The following GRIA1 variants were observed in gnomAD, a reference collection of about 807,000 sequenced individuals.
GRIA1 encodes glutamate receptor 1.
Under a neutral mutation model 99.2 loss-of-function variants are expected in GRIA1, and 31 were observed. The ratio of observed to expected loss-of-function variants is 0.31; its 90% CI spans 0.23 to 0.42. The LOEUF (loss-of-function observed/expected upper bound fraction) is 0.42, where lower values mean the gene tolerates loss of function less well. Among genes scored for constraint, GRIA1 ranks in the 10% least tolerant of loss-of-function variants. The probability of loss-of-function intolerance (pLI) is 1.00; values close to 1 mark genes in which losing one functional copy is unlikely to be tolerated. For synonymous variants in GRIA1, 438 were observed against 432.4 expected, an observed-to-expected ratio of 1.01 and a Z score of -0.16; for missense variants, 782 against 1,157.5, an observed-to-expected ratio of 0.68 and a Z score of 4.71.
chr5:153,724,337 C>T (rs903980914), intron 11 of GRIA1, among the ~76,000 whole-genome samples: 4 of 151,966 alleles, frequency 2.6e-5, no homozygotes, highest in African/African-American at 4.8e-5. Context: ...AAAAGCAGAG[C>T]ACCTCTCCTC....
At chr5:153,608,455 C>T (rs1371931556) in intron 2 of GRIA1, among the ~76,000 whole-genome samples, 1 of 152,154 alleles carries the variant, frequency 6.6e-6, no homozygotes, top group African/African-American at 2.4e-5. Flanking sequence ...TTATATGTTT[C>T]AATCCTGTTA....
intron 13 of GRIA1, among the ~76,000 whole-genome samples, chr5:153,778,194 T>A (rs200218684): frequency 0.3 from 11,890 of 39,208 alleles, 605 homozygotes; most frequent in Non-Finnish European, 0.34. Context: ...AGAGAGAGAG[T>A]GTGTGTGTGT....
At chr5:153,539,367 G>A (rs572461183) in intron 2 of GRIA1, among the ~76,000 whole-genome samples, 2 of 152,280 alleles carry the variant, frequency 1.3e-5, no homozygotes, top group African/African-American at 4.8e-5. Flanking sequence ...GAAATGGCAA[G>A]GTATGGAGAT....
At chr5:153,625,644 A>T (rs1162802607) in intron 2 of GRIA1, among the ~76,000 whole-genome samples, 1 of 152,228 alleles carries the variant, frequency 6.6e-6, no homozygotes, top group Non-Finnish European at 1.5e-5. Context: ...ATAGGGTCCA[A>T]AGGAAGCAGA....
At chr5:153,741,329 T>C (rs541364310) in intron 11 of GRIA1, among the ~76,000 whole-genome samples, 1 of 152,340 alleles carries the variant, frequency 6.6e-6, no homozygotes, top group East Asian at 1.9e-4. Context: ...TCAGCCACTA[T>C]GGAAAACAAT....
intron 13 of GRIA1, among the ~76,000 whole-genome samples, chr5:153,788,647 T>C (rs926676351): frequency 6.6e-6 from 1 of 152,234 alleles, no homozygotes; most frequent in Admixed American, 6.5e-5. Context: ...GTTTCCTTTA[T>C]AACACTTCAC....
At position 153,787,952 on chromosome 5, in the gene GRIA1, C is replaced by T. The variant is rs374408070; in HGVS notation, c.2271-6669C>T. Among the ~76,000 whole-genome samples, 388 of 152,128 alleles carry T rather than the reference C, an allele frequency of 2.6e-3. 9 individuals are homozygous for T. The East Asian group carries it at 0.06, about 23-fold the overall frequency. ...AAAATTAGCCAGGCGTGGTGGCAGG[C>T]GCCTGTAGTCCCAGCTACTCGGGAG... On this transcript the variant is annotated intron_variant, in intron 13 of 15. Transcript: ENST00000285900.
intron 2 of GRIA1, among the ~76,000 whole-genome samples, chr5:153,643,752 G>A (rs1433588931): frequency 2.6e-5 from 4 of 152,214 alleles, no homozygotes; most frequent in East Asian, 1.9e-4. Flanking sequence ...TAGCCTTAGA[G>A]GAGAAAGCAC....
chr5:153,669,923 C>T (rs1167987328), intron 5 of GRIA1, among the ~76,000 whole-genome samples: 2 of 152,134 alleles, frequency 1.3e-5, no homozygotes, highest in Non-Finnish European at 2.9e-5. Context: ...ATTTGGAATT[C>T]TTCTGATGAT....
At chr5:153,655,291 A>G (rs1181881917) in intron 4 of GRIA1, among the ~76,000 whole-genome samples, 1 of 152,220 alleles carries the variant, frequency 6.6e-6, no homozygotes, top group African/African-American at 2.4e-5. Context: ...AAAGAAGAGC[A>G]TCTATATATG....
intron 2 of GRIA1, among the ~76,000 whole-genome samples, chr5:153,639,544 A>G (rs936259647): frequency 2.0e-5 from 3 of 152,190 alleles, no homozygotes; most frequent in African/African-American, 7.2e-5. Flanking sequence ...TGCTAGTGAC[A>G]CAGAGAGGTC....
chr5:153,584,642 G>A (rs1196489297), intron 2 of GRIA1, among the ~76,000 whole-genome samples: 2 of 152,174 alleles, frequency 1.3e-5, no homozygotes, highest in Non-Finnish European at 2.9e-5. Context: ...CTTAGGGAGT[G>A]CATATTTTTC....
intron 11 of GRIA1, among the ~76,000 whole-genome samples, chr5:153,716,972 T>C (rs1759707266): frequency 6.6e-6 from 1 of 152,282 alleles, no homozygotes; most frequent in South Asian, 2.1e-4. Context: ...AGTAGAAAGC[T>C]GGTGAAAGAA....
intron 2 of GRIA1, among the ~76,000 whole-genome samples, chr5:153,646,401 A>G (rs1173734246): frequency 6.6e-6 from 1 of 152,154 alleles, no homozygotes; most frequent in African/African-American, 2.4e-5. Flanking sequence ...ATTGATAGAC[A>G]ATGTGAGGGG....
At chr5:153,638,376 T>G (rs190187767) in intron 2 of GRIA1, among the ~76,000 whole-genome samples, 46 of 152,364 alleles carry the variant, frequency 3.0e-4, no homozygotes, top group Admixed American at 2.8e-3. Context: ...AACATGATTT[T>G]GGGCTCTAAT....
intron 5 of GRIA1, among the ~76,000 whole-genome samples, chr5:153,658,753 G>C (rs2910269): frequency 1.3e-5 from 2 of 151,968 alleles, no homozygotes; most frequent in Admixed American, 6.6e-5. Flanking sequence ...GCTTTGAAAG[G>C]TTTAACAAAA....
intron 14 of GRIA1, among the ~76,000 whole-genome samples, chr5:153,799,391 G>A (rs1581676915): frequency 1.3e-5 from 2 of 152,160 alleles, no homozygotes; most frequent in South Asian, 2.1e-4. Flanking sequence ...GTCAGTAAAG[G>A]CAACTAAACA....
intron 13 of GRIA1, among the ~76,000 whole-genome samples, chr5:153,781,588 C>T (rs1764633868): frequency 1.3e-5 from 2 of 152,144 alleles, no homozygotes; most frequent in African/African-American, 2.4e-5. Flanking sequence ...CAGCCAACTT[C>T]GATGTACATG....
intron 8 of GRIA1, among the ~76,000 whole-genome samples, chr5:153,692,792 A>T (rs4569925): frequency 0.27 from 41,377 of 152,070 alleles, 6,061 homozygotes; most frequent in East Asian, 0.42. Context: ...AGCACATACA[A>T]ATAAAAGGTT....
Sources: gnomAD v4.1 joint callset for allele counts (sites outside exome capture counted in the v4.1 genomes callset) on GRCh38, gnomAD v4.1.1 for gene constraint, MANE v1.5 for transcripts, NCBI Gene and HGNC (gene_info 2026-07-23, HGNC 2026-07-21) for gene names.